Variants in EFHB observed in about 807,000 individuals in gnomAD.
EFHB encodes EF-hand domain-containing family member B.
In EFHB, 91 loss-of-function variants were observed where a neutral mutation model predicts 87.2. That is an observed-to-expected ratio of 1.04 (90% CI 0.88 to 1.24). EFHB has a LOEUF of 1.24. Ranked by LOEUF, EFHB falls within the 50% of genes most tolerant of loss-of-function variation. The probability of loss-of-function intolerance (pLI) is 0.00; values close to 1 mark genes in which losing one functional copy is unlikely to be tolerated. For missense variants in EFHB, 1,084 were observed against 998.8 expected (o/e 1.09, Z -1.15); for synonymous variants, 325 against 333.6 (o/e 0.97, Z 0.28).
At chr3:19,902,100 C>T (rs1454616277) in intron 6 of EFHB, among the ~76,000 whole-genome samples, 1 of 152,146 alleles carries the variant, frequency 6.6e-6, no homozygotes, top group Non-Finnish European at 1.5e-5. Context: ...TGTGGGCAAC[C>T]ATGTATGTCA....
Position 19,920,569 on chromosome 3 carries a change from T to G in EFHB, c.790-2A>C. The G allele has an allele frequency of 6.3e-7, 1 of 1,591,270 alleles. No individual in the cohort carries two copies. The highest frequency in any genetic ancestry group is 1.2e-5 in the South Asian group (1 of 86,348). On this transcript the variant is annotated splice_acceptor_variant, in intron 1 of 12. Transcript: ENST00000295824. LOFTEE classifies it high-confidence loss of function. ...ACCAACTGGAATAACTTTTCCTGCC[T>G]TTGGGGGAAAAAAATGGGTTGATCA...
At chr3:19,896,572 C>T in intron 9 of EFHB, 115 bp downstream of exon 9, 5 of 1,381,802 alleles carry the variant, frequency 3.6e-6, no homozygotes, top group Non-Finnish European at 5.1e-6. Context: ...CTGACACAAA[C>T]AAACAGTGGG....
intron 1 of EFHB, among the ~76,000 whole-genome samples, chr3:19,922,972 A>G (rs914303782): frequency 2.0e-5 from 3 of 152,158 alleles, no homozygotes; most frequent in Non-Finnish European, 4.4e-5. Flanking sequence ...TCATCACCCT[A>G]TAACAATGCC....
At position 19,898,768 on chromosome 3, in the gene EFHB, G is replaced by A. The variant is rs1242340145; in HGVS notation, c.1570+10C>T. On this transcript the variant is annotated intron_variant, in intron 8 of 12. Transcript: ENST00000295824. ...TTGGGGTTTTTTACGGAGAAAGTGTGTATATTTACCATATTCCTCAGGACG... is the reference window on the plus strand; with the variant it reads ...TTGGGGTTTTTTACGGAGAAAGTGTATATATTTACCATATTCCTCAGGACG... 3.7e-6 allele frequency: 6 copies of A among 1,612,740 alleles called. No individual in the cohort carries two copies. Among genetic ancestry groups the A allele is most frequent in the South Asian group, 1.1e-5 (1 of 90,794 alleles).
intron 1 of EFHB, among the ~76,000 whole-genome samples, chr3:19,930,358 T>C (rs1453472468): frequency 2.0e-5 from 3 of 152,184 alleles, no homozygotes; most frequent in Middle Eastern, 3.2e-3. Context: ...TAGAATCTGG[T>C]TCCACCCATT....
upstream of EFHB, chr3:19,936,280 G>T: frequency 1.5e-6 from 1 of 674,628 alleles, no homozygotes; most frequent in Non-Finnish European, 2.7e-6. Context: ...AGCCCAGGAG[G>T]TCTATGCGGC....
intron 1 of EFHB, among the ~76,000 whole-genome samples, chr3:19,942,764 A>T (rs1181975681): frequency 6.6e-6 from 1 of 152,124 alleles, no homozygotes; most frequent in African/African-American, 2.4e-5. Context: ...TTCACAATAG[A>T]GTTCACACTC....
At chr3:19,914,036 T>C (rs1262131192) in intron 5 of EFHB, among the ~76,000 whole-genome samples, 3 of 152,154 alleles carry the variant, frequency 2.0e-5, no homozygotes, top group Admixed American at 6.6e-5. Context: ...CTGGAACTAC[T>C]GGGCTCAAAC....
chr3:19,944,724 T>C (rs1428559759), intron 1 of EFHB, among the ~76,000 whole-genome samples: 2 of 151,606 alleles, frequency 1.3e-5, no homozygotes, highest in Admixed American at 6.6e-5. Context: ...ACTGGAACGA[T>C]GAAATAGGGA....
chr3:19,931,444 G>T lies in EFHB; in HGVS notation c.789+1786C>A, dbSNP rs573285025. On this transcript the variant is annotated intron_variant, in intron 1 of 12. Transcript: ENST00000295824. ...AGCTGTAAATTGCAGAACCAATCCAGAAATGGGAACCGGTGTGGTCAAGTA... is the reference window on the plus strand; with the variant it reads ...AGCTGTAAATTGCAGAACCAATCCATAAATGGGAACCGGTGTGGTCAAGTA... 2.0e-5 allele frequency among the ~76,000 whole-genome samples: 3 copies of T among 152,326 alleles called. No homozygotes were observed. The East Asian group carries it at 5.8e-4, about 29-fold the overall frequency.
At chr3:19,945,550 T>C (rs892210443) in intron 1 of EFHB, among the ~76,000 whole-genome samples, 33 of 152,120 alleles carry the variant, frequency 2.2e-4, no homozygotes, top group South Asian at 2.1e-4. Context: ...ACTGGGAGGA[T>C]GTTAATGCCA....
At position 19,915,368 on chromosome 3, in the gene EFHB, T is replaced by C. The variant is rs776279101; in HGVS notation, c.1223A>G (p.Glu408Gly). 8 of 1,613,210 alleles carry C rather than the reference T, an allele frequency of 5.0e-6. No individual in the cohort carries two copies. Among genetic ancestry groups the C allele is most frequent in the Middle Eastern group, 3.3e-4 (2 of 6,060 alleles). Residue 408 changes from glutamate (E) to glycine (G), a missense_variant, in exon 5 of 13, where the codon GAA becomes GGA. Physicochemically the swap from Glu to Gly is moderately conservative, Grantham distance 98. Coordinates refer to ENST00000295824, the MANE Select transcript of EFHB (RefSeq NM_144715.4). ...TCCTTCATTTCCTTCTTTAAATACT[T>C]CTTCATAGGATTTTGGTGGATTCAC... ...DVVNPPKSYE[E>G]VFKEGNEGHD...
Position 19,882,725 on chromosome 3 carries a change from G to GGGTA in EFHB, c.2149_2152dup (p.Pro718LeufsTer12), listed in dbSNP as rs779385105. ...TCGAATGGTTGGAACACCACAAATG[G>GGGTA]GGTAACCTAGGTCATTGATGAGGGA... On this transcript the variant is annotated frameshift_variant, in exon 12 of 13. Transcript: ENST00000295824. LOFTEE classifies it high-confidence loss of function. 74 of 1,611,350 alleles carry GGGTA rather than the reference G, an allele frequency of 4.6e-5. No individual in the cohort carries two copies. In the Middle Eastern group the frequency reaches 6.6e-4, roughly 14 times the overall value.
At chr3:19,910,140 C>A (rs756846872) in intron 5 of EFHB, among the ~76,000 whole-genome samples, 2 of 151,820 alleles carry the variant, frequency 1.3e-5, no homozygotes, top group Non-Finnish European at 2.9e-5. Context: ...GGGAGCAGAG[C>A]ACGAAGCAGG....
intron 6 of EFHB, among the ~76,000 whole-genome samples, chr3:19,901,859 A>C (rs949673033): frequency 2.6e-5 from 4 of 151,876 alleles, no homozygotes; most frequent in African/African-American, 9.7e-5. Flanking sequence ...CTGAGGCAGG[A>C]GAATCGCTTG....
chr3:19,908,062 A>G (rs1280153125), intron 5 of EFHB, among the ~76,000 whole-genome samples: 2 of 152,150 alleles, frequency 1.3e-5, no homozygotes, highest in African/African-American at 4.8e-5. Context: ...CACATTTACA[A>G]AGGTATATCA....
rs143232041 is a variant in EFHB, at chr3:19,888,619, C to A, written c.1758G>T (p.Leu586=). The change falls in exon 10 of 13, where the codon CTG becomes CTT. Residue 586 remains leucine (L), a synonymous_variant. Transcript: ENST00000295824. ...AGTTGGCCTGGTCACAAGCTTCCTG[C>A]AGCTCGTCTTTATCTATCATCCCAT... ...KGDGMIDKDE[L]QEACDQANLS... The A allele has an allele frequency of 3.7e-6, 6 of 1,606,876 alleles. No homozygotes were observed. Among genetic ancestry groups the A allele is most frequent in the Middle Eastern group, 1.6e-4 (1 of 6,078 alleles).
rs779469960 is a variant in EFHB, at chr3:19,905,617, T to TA, written c.1418+2dup. 6.2e-7 allele frequency: 1 copy of TA among 1,613,104 alleles called. No individual in the cohort carries two copies. The highest frequency in any genetic ancestry group is 1.1e-5 in the South Asian group (1 of 90,934). On this transcript the variant is annotated splice_region_variant and intron_variant, in intron 6 of 12. Transcript: ENST00000295824. ...TTCCTGGGCACAGTATAATTAAACT[T>TA]ACATTTGTAGTTCATGGAGCCAATA...
chr3:19,936,693 C>T (rs1177898474), upstream of EFHB, among the ~76,000 whole-genome samples: 2 of 151,940 alleles, frequency 1.3e-5, no homozygotes, highest in African/African-American at 4.8e-5. Flanking sequence ...CATGGTGAAA[C>T]CCTCTTTCTA....
Sources: allele counts gnomAD v4.1 joint callset (sites outside exome capture counted in the v4.1 genomes callset), GRCh38; gene constraint gnomAD v4.1.1; transcripts MANE v1.5; gene names NCBI Gene and HGNC (gene_info 2026-07-23, HGNC 2026-07-21).